The following GPR149 variants were observed in gnomAD, a reference collection of about 807,000 sequenced individuals.
GPR149 encodes G protein-coupled receptor 149.
A neutral mutation model predicts 50.2 loss-of-function variants in GPR149; 50 were observed. That is an observed-to-expected ratio of 1.00 (90% CI 0.79 to 1.26). The LOEUF (loss-of-function observed/expected upper bound fraction) is 1.26, where lower values mean the gene tolerates loss of function less well. Ranked by LOEUF, GPR149 falls within the 50% of genes most tolerant of loss-of-function variation. The probability of loss-of-function intolerance (pLI) is 0.00; values close to 1 mark genes in which losing one functional copy is unlikely to be tolerated. For synonymous variants in GPR149, 405 were observed against 358.2 expected (o/e 1.13, Z -1.48); for missense variants, 983 against 895.4 (o/e 1.10, Z -1.25).
chr3:154,339,583 CTTAG>C (rs1382437218), intron 3 of GPR149, among the ~76,000 whole-genome samples: 1 of 152,074 alleles, frequency 6.6e-6, no homozygotes, highest in African/African-American at 2.4e-5. Flanking sequence ...ATCCCTCAGT[CTTAG>C]TTAGACAAAT....
chr3:154,426,402 G>T (rs904121044), intron 2 of GPR149, among the ~76,000 whole-genome samples: 6 of 152,102 alleles, frequency 3.9e-5, no homozygotes, highest in Non-Finnish European at 8.8e-5. Context: ...AGTATACTTT[G>T]ATATCCTCTA....
chr3:154,400,719 AG>A (rs1343448038), intron 3 of GPR149, among the ~76,000 whole-genome samples: 3 of 152,190 alleles, frequency 2.0e-5, no homozygotes, highest in Non-Finnish European at 2.9e-5. Flanking sequence ...CACCCTCCTA[AG>A]GTTACAGAAT....
chr3:154,423,491 G>C (rs1157107738), intron 2 of GPR149, among the ~76,000 whole-genome samples: 1 of 151,844 alleles, frequency 6.6e-6, no homozygotes, highest in Non-Finnish European at 1.5e-5. Context: ...AGGAAATACA[G>C]TAATTATGAA....
At chr3:154,362,669 C>G (rs999061913) in intron 3 of GPR149, among the ~76,000 whole-genome samples, 11 of 152,108 alleles carry the variant, frequency 7.2e-5, no homozygotes, top group African/African-American at 2.7e-4. Flanking sequence ...GTAAGTGTAT[C>G]TGGGAAATGG....
chr3:154,374,332 A>T (rs1714742683), intron 3 of GPR149, among the ~76,000 whole-genome samples: 1 of 150,864 alleles, frequency 6.6e-6, no homozygotes, highest in Non-Finnish European at 1.5e-5. Context: ...GCTCCATGAC[A>T]CCCAGATAAT....
At chr3:154,352,844 G>T (rs182558934) in intron 3 of GPR149, 9,402 of 922,822 alleles carry the variant, frequency 0.01, 75 homozygotes, top group Non-Finnish European at 0.011. Flanking sequence ...TATCTTAGTT[G>T]ACCTCTTTCT....
At chr3:154,369,741 C>T (rs1184518179) in intron 3 of GPR149, among the ~76,000 whole-genome samples, 3 of 152,234 alleles carry the variant, frequency 2.0e-5, no homozygotes, top group Non-Finnish European at 4.4e-5. Context: ...ATCCTTATAA[C>T]TATATAGATG....
intron 3 of GPR149, among the ~76,000 whole-genome samples, chr3:154,356,651 A>C (rs1714234772): frequency 1.3e-5 from 2 of 152,192 alleles, no homozygotes; most frequent in African/African-American, 4.8e-5. Context: ...TTCAAGGAGA[A>C]CTACAAACCA....
intron 3 of GPR149, among the ~76,000 whole-genome samples, chr3:154,343,729 C>A (rs1435725343): frequency 1.3e-5 from 2 of 152,070 alleles, no homozygotes; most frequent in African/African-American, 4.8e-5. Context: ...TGTCAGTCAG[C>A]ACTTTGGGAG....
chr3:154,390,209 A>G (rs1028800401), intron 3 of GPR149, among the ~76,000 whole-genome samples: 1 of 152,150 alleles, frequency 6.6e-6, no homozygotes, highest in Non-Finnish European at 1.5e-5. Flanking sequence ...AAACAGGAAA[A>G]TATGTTCCAA....
At chr3:154,366,662 T>C (rs534273152) in intron 3 of GPR149, among the ~76,000 whole-genome samples, 1 of 152,346 alleles carries the variant, frequency 6.6e-6, no homozygotes, top group South Asian at 2.1e-4. Context: ...CTTAACTCCT[T>C]TCAACCAATT....
At position 154,390,875 on chromosome 3, in the gene GPR149, A is replaced by G. The variant is rs149038352; in HGVS notation, c.1623+30164T>C. Among the ~76,000 whole-genome samples, 949 of 152,298 alleles carry G rather than the reference A, an allele frequency of 6.2e-3. 7 individuals are homozygous for G. Among genetic ancestry groups the G allele is most frequent in the Non-Finnish European group, 0.011 (738 of 67,992 alleles). On this transcript the variant is annotated intron_variant, in intron 3 of 3. Coordinates refer to ENST00000389740, the MANE Select transcript of GPR149 (RefSeq NM_001038705.3). ...CCGTGGGGTTATCAACAGATTTATC[A>G]GCAGAAACATTGCATGCCAGAGAAG... is the stretch of plus-strand genomic sequence containing the variant.
chr3:154,354,738 C>A, intron 3 of GPR149: 1 of 687,646 alleles, frequency 1.5e-6, no homozygotes, highest in Non-Finnish European at 2.2e-6. Context: ...TCTTCTGGCT[C>A]TCGGACTCCT....
In GPR149 at chr3:154,423,937, G is replaced by C. The variant is rs569667151; in HGVS notation, c.1175-2450C>G. On this transcript the variant is annotated intron_variant, in intron 2 of 3. Coordinates refer to ENST00000389740, the MANE Select transcript of GPR149 (RefSeq NM_001038705.3). Reference sequence around the variant, plus strand: ...ATATGTATACATGTGCCATGTTGGTGTGCTGCACCCATTAACTCGTCATTT... The same window carrying C: ...ATATGTATACATGTGCCATGTTGGTCTGCTGCACCCATTAACTCGTCATTT... 2.6e-5 allele frequency among the ~76,000 whole-genome samples: 4 copies of C among 151,860 alleles called. No homozygotes were observed. In the South Asian group the frequency reaches 8.3e-4, roughly 32 times the overall value.
chr3:154,414,527 T>C (rs1043686663), intron 3 of GPR149, among the ~76,000 whole-genome samples: 2 of 151,968 alleles, frequency 1.3e-5, no homozygotes, highest in Non-Finnish European at 2.9e-5. Context: ...AATATCTTCA[T>C]AACCTCAAAA....
At position 154,381,964 on chromosome 3, in the gene GPR149, C is replaced by T. The variant is rs1363367835; in HGVS notation, c.1623+39075G>A. Among the ~76,000 whole-genome samples, 7 of 152,180 alleles carry T rather than the reference C, an allele frequency of 4.6e-5. No homozygotes were observed. In the East Asian group the frequency reaches 1.2e-3, roughly 25 times the overall value. Reference sequence around the variant, plus strand: ...ATGCTAAAAATGATCCACTTTCTTGCCCAGCTACTTCTATCATACCCTAAA... The same window carrying T: ...ATGCTAAAAATGATCCACTTTCTTGTCCAGCTACTTCTATCATACCCTAAA... On this transcript the variant is annotated intron_variant, in intron 3 of 3. Coordinates refer to ENST00000389740, the MANE Select transcript of GPR149 (RefSeq NM_001038705.3).
At chr3:154,387,745 A>G (rs980847879) in intron 3 of GPR149, among the ~76,000 whole-genome samples, 1 of 152,192 alleles carries the variant, frequency 6.6e-6, no homozygotes, top group African/African-American at 2.4e-5. Context: ...AGAGTACATT[A>G]TTATCATTAT....
At chr3:154,358,682 T>C (rs1714305377) in intron 3 of GPR149, among the ~76,000 whole-genome samples, 1 of 152,096 alleles carries the variant, frequency 6.6e-6, no homozygotes, top group African/African-American at 2.4e-5. Context: ...TGTTTATGAG[T>C]TTCATAGACC....
chr3:154,353,847 T>C, intron 3 of GPR149: 3 of 624,828 alleles, frequency 4.8e-6, no homozygotes, highest in South Asian at 1.8e-5. Flanking sequence ...CTAACTTGAA[T>C]AGGAAAGAGA....
Sources: allele counts gnomAD v4.1 joint callset (sites outside exome capture counted in the v4.1 genomes callset), GRCh38; gene constraint gnomAD v4.1.1; transcripts MANE v1.5; gene names NCBI Gene and HGNC (gene_info 2026-07-23, HGNC 2026-07-21).